Variants in TRMT11 observed in about 807,000 individuals in gnomAD.
TRMT11 encodes the protein tRNA (guanine(10)-N(2))-methyltransferase TRMT11.
A neutral mutation model predicts 62.8 loss-of-function variants in TRMT11; 53 were observed. That is an observed-to-expected ratio of 0.84 (90% confidence interval 0.68 to 1.06). TRMT11 has a LOEUF of 1.06. Among genes scored for constraint, TRMT11 ranks in the 50% least tolerant of loss-of-function variants. The pLI is 0.00. For missense variants in TRMT11, 556 were observed against 553.4 expected (o/e 1.00, Z -0.05); for synonymous variants, 188 against 190.3 (o/e 0.99, Z 0.10).
chr6:126,227,708 C>T, the TRMT11 span, among the ~76,000 whole-genome samples: 1 of 152,126 alleles, frequency 6.6e-6, no homozygotes, highest in South Asian at 2.1e-4. Context: ...ATTTTAGTTT[C>T]GCAGAGGTCT....
At chr6:126,205,517 A>G (rs1316101109), downstream of TRMT11, among the ~76,000 whole-genome samples, 1 of 152,198 alleles carries the variant, frequency 6.6e-6, no homozygotes, top group African/African-American at 2.4e-5. Flanking sequence ...AATAAAAAAG[A>G]GAAAAAGAAT....
intron 21 of TRMT11, among the ~76,000 whole-genome samples, chr6:126,120,212 T>C (rs902546030): frequency 6.6e-6 from 1 of 151,798 alleles, no homozygotes; most frequent in East Asian, 1.9e-4. Flanking sequence ...GAAGAGGAGG[T>C]TGTAGTGAGC....
intron 11 of TRMT11, among the ~76,000 whole-genome samples, chr6:126,019,594 A>G (rs1795514552): frequency 2.0e-5 from 3 of 152,180 alleles, no homozygotes; most frequent in Non-Finnish European, 4.4e-5. Flanking sequence ...AAAAATTAGT[A>G]TATTACTTAG....
At chr6:126,158,102 A>G (rs1472137058) in intron 21 of TRMT11, among the ~76,000 whole-genome samples, 1 of 152,112 alleles carries the variant, frequency 6.6e-6, no homozygotes, top group Non-Finnish European at 1.5e-5. Flanking sequence ...ATTATTTTTG[A>G]TAATCACTTC....
At chr6:126,255,742 G>T in the TRMT11 span, among the ~76,000 whole-genome samples, 1 of 152,122 alleles carries the variant, frequency 6.6e-6, no homozygotes, top group African/African-American at 2.4e-5. Flanking sequence ...TTAAAAAAAT[G>T]AGGAAGGAAA....
the TRMT11 span, among the ~76,000 whole-genome samples, chr6:126,225,147 G>A: frequency 1.3e-5 from 2 of 152,182 alleles, no homozygotes; most frequent in South Asian, 2.1e-4. Flanking sequence ...TTTGAGAGAT[G>A]GGCATTTTTG....
the TRMT11 span, among the ~76,000 whole-genome samples, chr6:126,239,926 TA>T: frequency 6.6e-6 from 1 of 152,198 alleles, no homozygotes; most frequent in Non-Finnish European, 1.5e-5. Context: ...CTTTTTTTTC[TA>T]AACTTCTCTT....
chr6:126,190,201 G>A lies in TRMT11; in HGVS notation n.144-8598G>A, dbSNP rs971143238. Among the ~76,000 whole-genome samples the A allele has an allele frequency of 4.0e-5, 6 of 151,878 alleles. No homozygotes were observed. The East Asian group carries it at 9.6e-4, about 24-fold the overall frequency. On this transcript the variant is annotated intron_variant and non_coding_transcript_variant, in intron 1 of 3. Transcript: ENST00000444229. Reference sequence around the variant, plus strand: ...TTAACTAGCTTCACTTCATCTACCCGCTTTCCCCTTTTCCTTCTGATGTGG... The same window carrying A: ...TTAACTAGCTTCACTTCATCTACCCACTTTCCCCTTTTCCTTCTGATGTGG...
chr6:126,151,956 C>CTTTCT lies in TRMT11; in HGVS notation c.*1824-22866_*1824-22865insCTTTT, dbSNP rs1395751133. Among the ~76,000 whole-genome samples the CTTTCT allele has an allele frequency of 5.2e-3, 301 of 58,352 alleles. 16 individuals carry two copies. The highest frequency in any genetic ancestry group is 0.013 in the Middle Eastern group (1 of 80). 38.3% of individuals were successfully genotyped at this position (58,352 alleles called of 152,430 possible). A position where few individuals can be genotyped will look rare whatever the true frequency, so the allele number is the denominator to read the frequency against. On this transcript the variant is annotated intron_variant and NMD_transcript_variant, in intron 21 of 22. Coordinates refer to the TRMT11 transcript ENST00000648977. ...CTTTCTTTCTTTCTTTTCTTTCTTT[C>CTTTCT]TTTTCTTTCTTTCCTCTCTCTCTCC...
intron 3 of TRMT11, among the ~76,000 whole-genome samples, chr6:125,996,837 A>G (rs1484816221): frequency 6.6e-6 from 1 of 152,192 alleles, no homozygotes; most frequent in African/African-American, 2.4e-5. Flanking sequence ...TTATATCATC[A>G]TATGTAATTG....
intron 17 of TRMT11, among the ~76,000 whole-genome samples, chr6:126,059,290 C>T (rs1776463108): frequency 6.6e-6 from 1 of 152,246 alleles, no homozygotes; most frequent in South Asian, 2.1e-4. Flanking sequence ...TTTTGAGTTT[C>T]TATCCTCTCT....
At chr6:126,165,124 G>C (rs1009657981) in intron 21 of TRMT11, among the ~76,000 whole-genome samples, 2 of 151,820 alleles carry the variant, frequency 1.3e-5, no homozygotes, top group Non-Finnish European at 2.9e-5. Flanking sequence ...TAAAAATAAA[G>C]AAAATTAGCT....
At chr6:126,100,033 G>C (rs1258134586) in intron 17 of TRMT11, among the ~76,000 whole-genome samples, 1 of 152,114 alleles carries the variant, frequency 6.6e-6, no homozygotes, top group Non-Finnish European at 1.5e-5. Context: ...GCTGCTGGCA[G>C]TTTTTCCCTC....
chr6:126,152,177 G>A (rs1778067185), intron 21 of TRMT11, among the ~76,000 whole-genome samples: 1 of 150,792 alleles, frequency 6.6e-6, no homozygotes, highest in African/African-American at 2.4e-5. Context: ...AGTTTAAACT[G>A]CAATTTGAAT....
chr6:126,158,292 C>A (rs1227608919), intron 21 of TRMT11, among the ~76,000 whole-genome samples: 1 of 152,146 alleles, frequency 6.6e-6, no homozygotes, highest in Non-Finnish European at 1.5e-5. Context: ...GACTGTTTGA[C>A]CTGTAAAGTT....
chr6:126,170,640 C>T (rs988229157), intron 21 of TRMT11, among the ~76,000 whole-genome samples: 7 of 152,168 alleles, frequency 4.6e-5, no homozygotes, highest in Admixed American at 4.6e-4. Context: ...CAGAACTGTG[C>T]TACCTCAGGT....
intron 12 of TRMT11, among the ~76,000 whole-genome samples, chr6:126,022,801 G>A (rs192967769): frequency 2.0e-5 from 3 of 152,196 alleles, no homozygotes; most frequent in East Asian, 1.9e-4. Context: ...ATAGGTATAC[G>A]TGTACATACA....
At chr6:125,990,220 A>G (rs1197768829) in intron 1 of TRMT11, among the ~76,000 whole-genome samples, 2 of 152,080 alleles carry the variant, frequency 1.3e-5, no homozygotes, top group Non-Finnish European at 2.9e-5. Flanking sequence ...CAGATGTTGT[A>G]TTTGAAAATT....
chr6:126,235,799 T>C, the TRMT11 span, among the ~76,000 whole-genome samples: 1 of 152,154 alleles, frequency 6.6e-6, no homozygotes, highest in South Asian at 2.1e-4. Flanking sequence ...CAAACTGCCA[T>C]GGCACATATT....
Sources: gnomAD v4.1 joint callset for allele counts (sites outside exome capture counted in the v4.1 genomes callset) on GRCh38, gnomAD v4.1.1 for gene constraint, MANE v1.5 for transcripts, NCBI Gene and HGNC (gene_info 2026-07-23, HGNC 2026-07-21) for gene names.